The following APPBP2 variants were observed in gnomAD, a reference collection of about 807,000 sequenced individuals.
APPBP2 encodes the protein amyloid protein-binding protein 2.
In APPBP2, 15 loss-of-function variants were observed where a neutral mutation model predicts 76.0. The observed-to-expected ratio is 0.20, with a 90% CI of 0.13 to 0.30. APPBP2 has a LOEUF of 0.30. Ranked by LOEUF, APPBP2 falls within the 10% of genes least tolerant of loss-of-function variation. The probability of loss-of-function intolerance (pLI) is 1.00; values close to 1 mark genes in which losing one functional copy is unlikely to be tolerated. For missense variants in APPBP2, 401 were observed against 687.2 expected, an observed-to-expected ratio of 0.58 and a Z score of 4.66; for synonymous variants, 222 against 242.2, an observed-to-expected ratio of 0.92 and a Z score of 0.77.
intron 12 of APPBP2, among the ~76,000 whole-genome samples, chr17:60,449,429 T>TA (rs1028933629): frequency 5.9e-5 from 9 of 151,986 alleles, no homozygotes; most frequent in Admixed American, 5.9e-4. Context: ...TTGCCTCTAC[T>TA]AAAAAAATAC....
chr17:60,453,056 TCTG>T (rs1411616737), intron 11 of APPBP2, among the ~76,000 whole-genome samples: 17 of 152,370 alleles, frequency 1.1e-4, no homozygotes, highest in South Asian at 4.1e-4. Flanking sequence ...TGCCAGGCAT[TCTG>T]CTAAGAGCTA....
intron 3 of APPBP2, among the ~76,000 whole-genome samples, chr17:60,490,797 T>C (rs543715888): frequency 6.6e-6 from 1 of 152,290 alleles, no homozygotes; most frequent in African/African-American, 2.4e-5. Flanking sequence ...ATAAGGGGTT[T>C]CCCCTTTCAT....
In APPBP2 at chr17:60,443,332, G is replaced by A. The variant is rs756099403; in HGVS notation, c.*4249C>T. On this transcript the variant is annotated 3_prime_UTR_variant, in exon 13 of 13. Transcript: ENST00000083182. ...GGTCATCCTGACACAATGAAGAACC[G>A]TCTTCAAAAATCTATTTAATGACCT... 4 of 152,550 alleles carry A rather than the reference G, an allele frequency of 2.6e-5. No individual in the cohort carries two copies. The highest frequency in any genetic ancestry group is 4.8e-5 in the African/African-American group (2 of 41,428). The allele number at this position is 152,550 out of a possible 1,614,324, so 9.4% of individuals were successfully genotyped here.
intron 1 of APPBP2, among the ~76,000 whole-genome samples, chr17:60,508,343 A>T (rs1309380238): frequency 6.6e-6 from 1 of 152,220 alleles, no homozygotes; most frequent in Non-Finnish European, 1.5e-5. Context: ...ACTGACAAAG[A>T]TGCTAACCTT....
chr17:60,503,842 T>TAAC (rs2143462191), intron 1 of APPBP2, among the ~76,000 whole-genome samples: 4 of 130,852 alleles, frequency 3.1e-5, no homozygotes, highest in Admixed American at 2.8e-4. Context: ...TCATATACAG[T>TAAC]TAAATAACCT....
Position 60,447,561 on chromosome 17 carries a change from T to C in APPBP2, c.*20A>G. On this transcript the variant is annotated 3_prime_UTR_variant, in exon 13 of 13. Transcript: ENST00000083182. ...TCCCTGGAATCCGGGAAAAGGTAAT[T>C]GGTTAACTGAGGTCCTCCCTCAGCA... The C allele has an allele frequency of 6.3e-7, 1 of 1,581,034 alleles. No individual in the cohort carries two copies. Among genetic ancestry groups the C allele is most frequent in the Non-Finnish European group, 8.6e-7 (1 of 1,163,794 alleles).
At chr17:60,473,382 A>G (rs1269600394) in intron 4 of APPBP2, among the ~76,000 whole-genome samples, 2 of 152,368 alleles carry the variant, frequency 1.3e-5, no homozygotes, top group African/African-American at 2.4e-5. Context: ...TCCCAAATGC[A>G]TATTTTAAAA....
chr17:60,497,599 T>C (rs899784476), intron 2 of APPBP2, among the ~76,000 whole-genome samples: 1 of 152,192 alleles, frequency 6.6e-6, no homozygotes, highest in African/African-American at 2.4e-5. Flanking sequence ...AAGTATCTTA[T>C]GTAACCCATA....
intron 11 of APPBP2, among the ~76,000 whole-genome samples, chr17:60,453,703 C>T (rs907437183): frequency 2.0e-5 from 3 of 151,860 alleles, no homozygotes; most frequent in Non-Finnish European, 4.4e-5. Flanking sequence ...CCATGTCTGG[C>T]TAACTTTTTC....
chr17:60,456,233 A>G (rs1429967538), intron 10 of APPBP2, 63 bp downstream of exon 10: 9 of 1,099,596 alleles, frequency 8.2e-6, no homozygotes, highest in Non-Finnish European at 1.2e-5. Context: ...ATAAACAAAT[A>G]CCCCTATTTT....
At chr17:60,475,795 T>C (rs149856073) in intron 4 of APPBP2, among the ~76,000 whole-genome samples, 120 of 151,952 alleles carry the variant, frequency 7.9e-4, no homozygotes, top group African/African-American at 2.8e-3. Context: ...ACATAATAAA[T>C]AGTAGAAAAG....
chr17:60,448,477 A>G (rs556287552), intron 12 of APPBP2, among the ~76,000 whole-genome samples: 2 of 152,342 alleles, frequency 1.3e-5, no homozygotes, highest in East Asian at 3.9e-4. Context: ...AAACCAACCA[A>G]CAAATGAAAA....
chr17:60,455,517 A>T (rs752404402), intron 10 of APPBP2, among the ~76,000 whole-genome samples: 3 of 152,222 alleles, frequency 2.0e-5, no homozygotes, highest in Non-Finnish European at 4.4e-5. Context: ...TTACGTGAAA[A>T]AGCCTTGGTG....
At position 60,526,028 on chromosome 17, in the gene APPBP2, G is replaced by A. The variant is rs1404894462; in HGVS notation, c.-97C>T. 8 of 1,293,576 alleles carry A rather than the reference G, an allele frequency of 6.2e-6. No individual in the cohort carries two copies. Among genetic ancestry groups the A allele is most frequent in the African/African-American group, 3.0e-5 (2 of 66,298 alleles). The allele number at this position is 1,293,576 out of a possible 1,614,324, so 80.1% of individuals were successfully genotyped here. A position where few individuals can be genotyped will look rare whatever the true frequency, so the allele number is the denominator to read the frequency against. On this transcript the variant is annotated 5_prime_UTR_variant, in exon 1 of 13. Coordinates refer to ENST00000083182, the MANE Select transcript of APPBP2 (RefSeq NM_006380.5). The stretch of plus-strand genomic sequence containing the variant: ...CCTCTGCGGCCCCGGAGGATTCGGA[G>A]GGGCGGTGGCAGCCACGCGGGCGCA...
At chr17:60,499,651 T>C (rs1455651094) in intron 2 of APPBP2, among the ~76,000 whole-genome samples, 1 of 152,032 alleles carries the variant, frequency 6.6e-6, no homozygotes. Flanking sequence ...AGCCAAAAGG[T>C]AGAAAGAACC....
chr17:60,446,672 C>T lies in APPBP2; in HGVS notation c.*909G>A, dbSNP rs915168814. The T allele has an allele frequency of 4.6e-5, 7 of 152,152 alleles. No individual in the cohort carries two copies. The highest frequency in any genetic ancestry group is 1.7e-4 in the African/African-American group (7 of 41,424). The allele number at this position is 152,152 out of a possible 1,614,324, so 9.4% of individuals were successfully genotyped here. A position where few individuals can be genotyped will look rare whatever the true frequency, so the allele number is the denominator to read the frequency against. ...GCTTATGGCACTGCCATCTGTGTAC[C>T]TTGACTAAAAATATGCCATTGAAAT... On this transcript the variant is annotated 3_prime_UTR_variant, in exon 13 of 13. Transcript: ENST00000083182.
At chr17:60,472,296 A>C (rs2090558819) in intron 4 of APPBP2, among the ~76,000 whole-genome samples, 1 of 152,106 alleles carries the variant, frequency 6.6e-6, no homozygotes, top group African/African-American at 2.4e-5. Flanking sequence ...TCAGTCCTGG[A>C]CTTTGTTGGA....
intron 1 of APPBP2, among the ~76,000 whole-genome samples, chr17:60,514,962 C>A (rs373587321): frequency 2.0e-5 from 3 of 152,034 alleles, no homozygotes; most frequent in East Asian, 3.9e-4. Context: ...CGCCACCATG[C>A]CCAGCTAATT....
At chr17:60,449,841 A>G (rs1165404236) in intron 12 of APPBP2, among the ~76,000 whole-genome samples, 1 of 152,090 alleles carries the variant, frequency 6.6e-6, no homozygotes, top group Admixed American at 6.6e-5. Flanking sequence ...TCCGTCACAC[A>G]GGCTGGAGTG....
Sources: gnomAD v4.1 joint callset for allele counts (sites outside exome capture counted in the v4.1 genomes callset) on GRCh38, gnomAD v4.1.1 for gene constraint, MANE v1.5 for transcripts, NCBI Gene and HGNC (gene_info 2026-07-23, HGNC 2026-07-21) for gene names.